Variants in MAP4K3 observed in about 807,000 individuals in gnomAD.
MAP4K3 encodes the protein MAPK/ERK kinase kinase kinase 3.
MAP4K3 carries 94 observed loss-of-function variants against 143.5 expected under a neutral mutation model. The observed-to-expected ratio is 0.65, with a 90% CI of 0.55 to 0.78. MAP4K3 has a LOEUF of 0.78. Ranked by LOEUF, MAP4K3 falls within the 30% of genes least tolerant of loss-of-function variation. The pLI is 0.00. For synonymous variants in MAP4K3, 416 were observed against 347.2 expected, an observed-to-expected ratio of 1.20 and a Z score of -2.20; for missense variants, 1,077 against 1,068.1, an observed-to-expected ratio of 1.01 and a Z score of -0.12.
intron 1 of MAP4K3, among the ~76,000 whole-genome samples, chr2:39,404,256 T>C (rs1161030011): frequency 6.6e-6 from 1 of 152,114 alleles, no homozygotes; most frequent in Non-Finnish European, 1.5e-5. Context: ...CACAGTGGGG[T>C]AGAGCACCAA....
intron 1 of MAP4K3, among the ~76,000 whole-genome samples, chr2:39,401,163 C>G (rs1666943803): frequency 6.6e-6 from 1 of 152,048 alleles, no homozygotes; most frequent in African/African-American, 2.4e-5. Flanking sequence ...ATGAAGAAAG[C>G]TAGAATTCGT....
intron 32 of MAP4K3, among the ~76,000 whole-genome samples, chr2:39,253,084 G>T (rs1326239568): frequency 2.6e-5 from 4 of 152,190 alleles, no homozygotes; most frequent in East Asian, 1.9e-4. Flanking sequence ...CGTGATTTTA[G>T]AAAGTGTGAG....
Position 39,269,177 on chromosome 2 carries a change from G to C in MAP4K3, c.1974-1930C>G, listed in dbSNP as rs370476852. Among the ~76,000 whole-genome samples the C allele has an allele frequency of 2.6e-5, 4 of 151,654 alleles. No homozygotes were observed. The East Asian group carries it at 7.7e-4, about 29-fold the overall frequency. On this transcript the variant is annotated intron_variant, in intron 26 of 33. Transcript: ENST00000263881. ...GTACAGCACATGTGTGATGTTCAGT[G>C]CAATTCCAAACAAGCTCAGAACAAT...
intron 23 of MAP4K3, among the ~76,000 whole-genome samples, chr2:39,279,617 G>C (rs898457302): frequency 6.6e-6 from 1 of 152,032 alleles, no homozygotes; most frequent in South Asian, 2.1e-4. Context: ...CTAAACCCCG[G>C]ATCCTTGGTA....
intron 12 of MAP4K3, among the ~76,000 whole-genome samples, chr2:39,316,515 T>C (rs1442386233): frequency 1.3e-5 from 2 of 152,120 alleles, no homozygotes; most frequent in Non-Finnish European, 2.9e-5. Flanking sequence ...TGGTTGGATA[T>C]GAAAACGGTA....
At chr2:39,333,446 G>C in intron 7 of MAP4K3, 86 bp downstream of exon 7, 1 of 1,039,024 alleles carries the variant, frequency 9.6e-7, no homozygotes, top group Non-Finnish European at 1.5e-6. Context: ...TTAGGAGAGG[G>C]AAAACCTGGT....
intron 22 of MAP4K3, among the ~76,000 whole-genome samples, chr2:39,281,435 A>G (rs1681522977): frequency 6.6e-6 from 1 of 152,246 alleles, no homozygotes; most frequent in Admixed American, 6.5e-5. Context: ...TAGCAGACCA[A>G]TAGAAACATG....
intron 14 of MAP4K3, among the ~76,000 whole-genome samples, 178 bp from the exon 15 acceptor site, chr2:39,308,183 C>G (rs1348269642): frequency 6.6e-6 from 1 of 152,104 alleles, no homozygotes; most frequent in African/African-American, 2.4e-5. Flanking sequence ...CAACTTTGCT[C>G]TAAAATGCAG....
At chr2:39,302,301 T>C (rs970518851) in intron 15 of MAP4K3, among the ~76,000 whole-genome samples, 6 of 152,282 alleles carry the variant, frequency 3.9e-5, no homozygotes, top group East Asian at 1.9e-4. Flanking sequence ...AATTATGTTA[T>C]AGCAACCATG....
rs570853243 is a variant in MAP4K3 at position 39,337,752 on chromosome 2, G to GTTTTTTTTTTT, written c.311-182_311-172dup. On this transcript the variant is annotated intron_variant, in intron 4 of 33. Coordinates refer to ENST00000263881, the MANE Select transcript of MAP4K3 (RefSeq NM_003618.4). ...TACTGTCCTACTGTGCCTGGCTCCAGTTTTTTTTTTTTTTTTTTTTTTTTT... is the reference window on the plus strand; with the variant it reads ...TACTGTCCTACTGTGCCTGGCTCCAGTTTTTTTTTTTTTTTTTTTTTTTTTTTTTTTTTTTT... 5.0e-4 allele frequency among the ~76,000 whole-genome samples: 35 copies of GTTTTTTTTTTT among 70,518 alleles called. 5 individuals carry two copies. The highest frequency in any genetic ancestry group is 3.1e-3 in the East Asian group (6 of 1,916). The allele number at this position is 70,518 out of a possible 152,430, so 46.3% of individuals were successfully genotyped here.
chr2:39,266,595 C>T (rs1680776127), intron 27 of MAP4K3, among the ~76,000 whole-genome samples: 1 of 152,028 alleles, frequency 6.6e-6, no homozygotes, highest in Admixed American at 6.5e-5. Context: ...GAGGCCTGGC[C>T]CAAATGCCAC....
intron 1 of MAP4K3, among the ~76,000 whole-genome samples, chr2:39,386,116 T>C (rs892976254): frequency 9.9e-5 from 15 of 152,184 alleles, no homozygotes; most frequent in African/African-American, 3.1e-4. Flanking sequence ...AAATAAGTTA[T>C]ATGGGTTGGC....
chr2:39,417,307 C>G (rs1183842289), intron 1 of MAP4K3, among the ~76,000 whole-genome samples: 1 of 151,590 alleles, frequency 6.6e-6, no homozygotes, highest in Non-Finnish European at 1.5e-5. Flanking sequence ...GCAAGCTCCT[C>G]CTCCCGGATT....
intron 29 of MAP4K3, 85 bp downstream of exon 29, chr2:39,260,521 T>A: frequency 1.8e-6 from 2 of 1,118,264 alleles, no homozygotes; most frequent in East Asian, 5.0e-5. Context: ...ATATGCAGTT[T>A]TTCCTTAGTA....
chr2:39,265,079 C>T, intron 28 of MAP4K3, 124 bp downstream of exon 28: 1 of 722,540 alleles, frequency 1.4e-6, no homozygotes, highest in Non-Finnish European at 2.3e-6. Flanking sequence ...TTTTACAACC[C>T]TGCCACATTA....
At chr2:39,258,315 C>A (rs1680429342) in intron 31 of MAP4K3, 33 bp downstream of exon 31, 7 of 1,321,716 alleles carry the variant, frequency 5.3e-6, no homozygotes, top group Non-Finnish European at 7.5e-6. Flanking sequence ...TTAAGGAGTT[C>A]ATAATGCAAA....
At chr2:39,413,568 G>A (rs1667288370) in intron 1 of MAP4K3, among the ~76,000 whole-genome samples, 1 of 152,118 alleles carries the variant, frequency 6.6e-6, no homozygotes, top group African/African-American at 2.4e-5. Context: ...AATTAACTGT[G>A]AGAATCCATT....
chr2:39,312,512 T>A (rs1430253217), intron 13 of MAP4K3, among the ~76,000 whole-genome samples: 1 of 152,174 alleles, frequency 6.6e-6, no homozygotes, highest in Admixed American at 6.5e-5. Context: ...ATTGTGAATG[T>A]TAATACCAAT....
In MAP4K3 at chr2:39,309,476, T is replaced by C. The variant is rs1371919958; in HGVS notation, c.1041A>G (p.Glu347=). 1.9e-6 allele frequency: 3 copies of C among 1,594,928 alleles called. No homozygotes were observed. Among genetic ancestry groups the C allele is most frequent in the Non-Finnish European group, 2.6e-6 (3 of 1,172,912 alleles). The part of the protein sequence containing the change: ...KFDPPLRKET[E]PHHELPDSDG... ...TACTACTTACAAGTTCATGATGTGG[T>C]TCTGTCTCCTTTCTTAAGGGTGGAT... The change falls in exon 14 of 34, where the codon GAA becomes GAG. Residue 347 remains glutamate (E), a synonymous_variant. Coordinates refer to ENST00000263881, the MANE Select transcript of MAP4K3 (RefSeq NM_003618.4).
Sources: allele counts gnomAD v4.1 joint callset (sites outside exome capture counted in the v4.1 genomes callset), GRCh38; gene constraint gnomAD v4.1.1; transcripts MANE v1.5; gene names NCBI Gene and HGNC (gene_info 2026-07-23, HGNC 2026-07-21).